The following SHANK2 variants were observed in gnomAD, a reference collection of about 807,000 sequenced individuals.
The protein encoded by SHANK2 is SH3 and multiple ankyrin repeat domains 2.
Under a neutral mutation model 133.7 loss-of-function variants are expected in SHANK2, and 43 were observed. The observed-to-expected ratio is 0.32, with a 90% CI of 0.25 to 0.41. The LOEUF is 0.41. Ranked by LOEUF, SHANK2 falls within the 10% of genes least tolerant of loss-of-function variation. The probability of loss-of-function intolerance (pLI) is 1.00; values close to 1 mark genes in which losing one functional copy is unlikely to be tolerated. For synonymous variants in SHANK2, 1,017 were observed against 952.8 expected (o/e 1.07, Z -1.24); for missense variants, 1,994 against 2,235.8 (o/e 0.89, Z 2.18).
chr11:70,771,930 G>A (rs189632994), intron 14 of SHANK2, among the ~76,000 whole-genome samples: 6 of 152,336 alleles, frequency 3.9e-5, no homozygotes, highest in Non-Finnish European at 5.9e-5. Context: ...ACCACAAGGT[G>A]TCTTTGTTTA....
At chr11:70,759,932 C>T (rs782116010) in intron 14 of SHANK2, among the ~76,000 whole-genome samples, 11 of 152,198 alleles carry the variant, frequency 7.2e-5, no homozygotes, top group Non-Finnish European at 1.2e-4. Context: ...AGGCATGGGA[C>T]GGATTCTACC....
intron 17 of SHANK2, among the ~76,000 whole-genome samples, chr11:70,552,716 C>A (rs2059785489): frequency 6.6e-6 from 1 of 152,166 alleles, no homozygotes; most frequent in African/African-American, 2.4e-5. Flanking sequence ...ACGGACACAG[C>A]CTGGGGTGCA....
chr11:71,238,974 GAC>G (rs1299049681), intron 1 of SHANK2, among the ~76,000 whole-genome samples: 2 of 152,240 alleles, frequency 1.3e-5, no homozygotes, highest in African/African-American at 2.4e-5. Context: ...AAAAGAAAAA[GAC>G]ACAGAGACAA....
intron 14 of SHANK2, among the ~76,000 whole-genome samples, chr11:70,794,000 T>G (rs1555048575): frequency 6.6e-6 from 1 of 152,104 alleles, no homozygotes; most frequent in African/African-American, 2.4e-5. Context: ...TAAACTGCTG[T>G]CTGGGCATGG....
intron 11 of SHANK2, chr11:70,863,756 T>A (rs751788644): frequency 4.4e-6 from 2 of 449,830 alleles, no homozygotes; most frequent in Non-Finnish European, 8.9e-6. Context: ...GTCTTTAAAG[T>A]GGAGTCACTC....
intron 17 of SHANK2, among the ~76,000 whole-genome samples, chr11:70,551,793 C>T (rs1228466336): frequency 6.6e-6 from 1 of 152,246 alleles, no homozygotes; most frequent in African/African-American, 2.4e-5. Flanking sequence ...CCACCTGGTC[C>T]CTGGCCTGGA....
At chr11:70,645,227 A>G (rs1555007807) in intron 17 of SHANK2, among the ~76,000 whole-genome samples, 1 of 152,126 alleles carries the variant, frequency 6.6e-6, no homozygotes, top group African/African-American at 2.4e-5. Flanking sequence ...AACAAAAACA[A>G]AAATAAAAAA....
intron 14 of SHANK2, among the ~76,000 whole-genome samples, chr11:70,712,761 C>T (rs1478186489): frequency 6.6e-6 from 1 of 152,228 alleles, no homozygotes; most frequent in East Asian, 1.9e-4. Flanking sequence ...CACCAACAGC[C>T]CTTTTCCTGG....
chr11:70,639,313 C>T (rs2134144362), intron 17 of SHANK2, among the ~76,000 whole-genome samples: 1 of 152,288 alleles, frequency 6.6e-6, no homozygotes, highest in African/African-American at 2.4e-5. Flanking sequence ...GGCTTCTAGA[C>T]AACAGAAATG....
At chr11:70,641,882 A>T (rs2061188766) in intron 17 of SHANK2, among the ~76,000 whole-genome samples, 1 of 152,210 alleles carries the variant, frequency 6.6e-6, no homozygotes, top group Non-Finnish European at 1.5e-5. Flanking sequence ...CGGGCAGGCA[A>T]GCCCCTGCCC....
chr11:71,237,222 CTG>C, intron 1 of SHANK2, among the ~76,000 whole-genome samples: 1 of 152,334 alleles, frequency 6.6e-6, no homozygotes, highest in South Asian at 2.1e-4. Context: ...GCAATAAGGA[CTG>C]AGTCCAGGGA....
chr11:70,832,812 CCT>C (rs1376639379), intron 11 of SHANK2, among the ~76,000 whole-genome samples: 1 of 152,184 alleles, frequency 6.6e-6, no homozygotes, highest in African/African-American at 2.4e-5. Flanking sequence ...TGCCCCAGAC[CCT>C]GAGAAGGCCT....
chr11:70,697,051 C>T (rs2134474976), intron 15 of SHANK2, among the ~76,000 whole-genome samples: 1 of 152,324 alleles, frequency 6.6e-6, no homozygotes, highest in South Asian at 2.1e-4. Flanking sequence ...ATCTGAGGTT[C>T]CTAGAGTCAT....
At chr11:70,944,112 A>C (rs1311012851) in intron 10 of SHANK2, among the ~76,000 whole-genome samples, 7 of 152,230 alleles carry the variant, frequency 4.6e-5, no homozygotes, top group African/African-American at 1.4e-4. Flanking sequence ...TCCCTCGAGT[A>C]TATAACAGCT....
At chr11:71,230,025 G>A (rs1363019706) in intron 1 of SHANK2, among the ~76,000 whole-genome samples, 3 of 152,068 alleles carry the variant, frequency 2.0e-5, no homozygotes, top group Non-Finnish European at 2.9e-5. Context: ...TGTAGATATG[G>A]ACAAGATTAT....
chr11:70,480,375 T>C (rs2135702664), intron 25 of SHANK2, among the ~76,000 whole-genome samples: 1 of 152,330 alleles, frequency 6.6e-6, no homozygotes, highest in African/African-American at 2.4e-5. Flanking sequence ...TAGTCCGCCC[T>C]TTCTGCATGT....
chr11:71,070,863 G>A (rs1319686898), intron 9 of SHANK2, among the ~76,000 whole-genome samples: 7 of 152,198 alleles, frequency 4.6e-5, no homozygotes, highest in Admixed American at 2.6e-4. Flanking sequence ...CCTGAGGCCC[G>A]AGGTGGGGAG....
chr11:71,180,610 A>G (rs1260891478), intron 2 of SHANK2, among the ~76,000 whole-genome samples: 2 of 152,250 alleles, frequency 1.3e-5, no homozygotes, highest in African/African-American at 4.8e-5. Flanking sequence ...ACAGGCTTCT[A>G]GAAAACATCT....
intron 25 of SHANK2, among the ~76,000 whole-genome samples, chr11:70,481,987 A>G (rs2058739846): frequency 6.6e-6 from 1 of 152,148 alleles, no homozygotes; most frequent in African/African-American, 2.4e-5. Flanking sequence ...GGTGGTTCTG[A>G]CTGCCCCCCA....
Sources: gnomAD v4.1 joint callset for allele counts (sites outside exome capture counted in the v4.1 genomes callset) on GRCh38, gnomAD v4.1.1 for gene constraint, MANE v1.5 for transcripts, NCBI Gene and HGNC (gene_info 2026-07-23, HGNC 2026-07-21) for gene names.